Variants in SGMS2 observed in about 807,000 individuals in gnomAD.
The protein encoded by SGMS2 is phosphatidylcholine:ceramide cholinephosphotransferase 2.
Under a neutral mutation model 43.8 loss-of-function variants are expected in SGMS2, and 21 were observed. The observed-to-expected ratio is 0.48, with a 90% CI of 0.34 to 0.69. The LOEUF is 0.69. Ranked by LOEUF, SGMS2 falls within the 30% of genes least tolerant of loss-of-function variation. The pLI, the probability that SGMS2 is intolerant of heterozygous loss-of-function variation, is 0.01. For synonymous variants in SGMS2, 167 were observed against 160.6 expected (o/e 1.04, Z -0.30); for missense variants, 384 against 443.2 (o/e 0.87, Z 1.20).
At chr4:107,842,668 G>A (rs867365111) in intron 1 of SGMS2, among the ~76,000 whole-genome samples, 3 of 152,286 alleles carry the variant, frequency 2.0e-5, no homozygotes, top group Admixed American at 6.5e-5. Flanking sequence ...TAATTCCCAT[G>A]AGTGCCTCAA....
rs201447178 is a variant in SGMS2, at chr4:107,910,480, G to A, written c.1025G>A (p.Gly342Asp). Residue 342 changes from glycine to aspartate, a missense_variant, in exon 7 of 7, where the codon GGC becomes GAC. By Grantham distance (94) the Gly-to-Asp change is moderately conservative. Coordinates refer to ENST00000690982, the MANE Select transcript of SGMS2 (RefSeq NM_001375905.1). ...TCCTGGCCGCTGTCTTGGCCTCCTG[G>A]CTGCTTCAAATCATCATGCAAAAAG... The part of the protein sequence containing the change: ...CFSWPLSWPP[G>D]CFKSSCKKYS... 7.4e-6 allele frequency: 12 copies of A among 1,613,992 alleles called. No homozygotes were observed. The highest frequency in any genetic ancestry group is 1.0e-5 in the Non-Finnish European group (12 of 1,179,980).
intron 2 of SGMS2, among the ~76,000 whole-genome samples, chr4:107,883,208 A>G (rs1287176139): frequency 6.6e-6 from 1 of 152,216 alleles, no homozygotes; most frequent in Non-Finnish European, 1.5e-5. Flanking sequence ...TGTAGCCATA[A>G]GTATCGATCA....
chr4:107,910,493 A>G lies in SGMS2; in HGVS notation c.1038A>G (p.Ser346=), dbSNP rs769761528. ...CTTGGCCTCCTGGCTGCTTCAAATC[A>G]TCATGCAAAAAGTATTCACGGGTTC... ...PLSWPPGCFK[S]SCKKYSRVQK... is the part of the protein sequence containing the mutation. The change falls in exon 7 of 7, where the codon TCA becomes TCG. Residue 346 remains serine, a synonymous_variant. Coordinates refer to ENST00000690982, the MANE Select transcript of SGMS2 (RefSeq NM_001375905.1). 2.5e-6 allele frequency: 4 copies of G among 1,614,052 alleles called. No homozygotes were observed. The highest frequency in any genetic ancestry group is 1.3e-5 in the African/African-American group (1 of 75,028).
intron 2 of SGMS2, among the ~76,000 whole-genome samples, chr4:107,884,564 T>C (rs1729598699): frequency 6.6e-6 from 1 of 152,100 alleles, no homozygotes; most frequent in African/African-American, 2.4e-5. Context: ...AAGGGAAAAG[T>C]CAAACTGGGA....
chr4:107,834,910 A>C (rs1225792210), intron 1 of SGMS2, among the ~76,000 whole-genome samples: 1 of 152,056 alleles, frequency 6.6e-6, no homozygotes, highest in Non-Finnish European at 1.5e-5. Context: ...TGGCACACAC[A>C]TGTAGTCCCA....
At chr4:107,886,866 A>G (rs1260560933) in intron 2 of SGMS2, 1 of 152,194 alleles carries the variant, frequency 6.6e-6, no homozygotes, top group Non-Finnish European at 1.5e-5. Context: ...CACTTACGCA[A>G]ATAACTGTAT....
intron 2 of SGMS2, among the ~76,000 whole-genome samples, chr4:107,870,076 T>C (rs1187502930): frequency 6.6e-6 from 1 of 152,260 alleles, no homozygotes; most frequent in African/African-American, 2.4e-5. Flanking sequence ...ATTTTCTCAA[T>C]ACTTTTACGT....
chr4:107,872,671 T>TA (rs11289834), intron 2 of SGMS2, among the ~76,000 whole-genome samples: 3 of 151,538 alleles, frequency 2.0e-5, no homozygotes, highest in Non-Finnish European at 2.9e-5. Context: ...CCCCTTCTCT[T>TA]AAAAAAAACA....
intron 1 of SGMS2, among the ~76,000 whole-genome samples, chr4:107,842,621 C>T (rs1465973818): frequency 1.3e-5 from 2 of 152,122 alleles, no homozygotes; most frequent in African/African-American, 4.8e-5. Context: ...GTCATGGAAA[C>T]TAGAGTAAGG....
At chr4:107,878,711 C>A (rs1729113098) in intron 2 of SGMS2, among the ~76,000 whole-genome samples, 1 of 152,136 alleles carries the variant, frequency 6.6e-6, no homozygotes, top group Non-Finnish European at 1.5e-5. Context: ...TAAGATTCTC[C>A]TTCTGGAGAG....
chr4:107,899,362 T>A (rs995472909), intron 3 of SGMS2, among the ~76,000 whole-genome samples: 1 of 152,198 alleles, frequency 6.6e-6, no homozygotes, highest in African/African-American at 2.4e-5. Context: ...TATGTGAATC[T>A]TCATTTCTGA....
chr4:107,889,496 T>C (rs1730029046), intron 2 of SGMS2, among the ~76,000 whole-genome samples: 1 of 152,218 alleles, frequency 6.6e-6, no homozygotes, highest in South Asian at 2.1e-4. Flanking sequence ...GATTAGTCTC[T>C]TATTTTTTCC....
chr4:107,826,106 T>C (rs1473965768), intron 1 of SGMS2, among the ~76,000 whole-genome samples: 1 of 152,190 alleles, frequency 6.6e-6, no homozygotes, highest in Non-Finnish European at 1.5e-5. Context: ...ACCAGTAAAA[T>C]GGGATTATAG....
At chr4:107,828,419 T>A (rs750772142) in intron 1 of SGMS2, among the ~76,000 whole-genome samples, 1 of 152,186 alleles carries the variant, frequency 6.6e-6, no homozygotes, top group Non-Finnish European at 1.5e-5. Flanking sequence ...CAGCTGAAAT[T>A]TATCTCTACA....
At chr4:107,847,596 G>T (rs1224324556) in intron 1 of SGMS2, among the ~76,000 whole-genome samples, 6 of 152,098 alleles carry the variant, frequency 3.9e-5, no homozygotes, top group Admixed American at 2.0e-4. Context: ...TGGCGATGCG[G>T]GCTGTTTTTT....
chr4:107,863,237 C>T (rs771719429), intron 2 of SGMS2, among the ~76,000 whole-genome samples: 6 of 152,158 alleles, frequency 3.9e-5, no homozygotes, highest in African/African-American at 7.2e-5. Flanking sequence ...GACTCAGATG[C>T]GTTCAAATTC....
At chr4:107,902,289 C>CAAAAAAAAAAAAAAAAAA (rs34388036) in intron 4 of SGMS2, among the ~76,000 whole-genome samples, 3 of 124,566 alleles carry the variant, frequency 2.4e-5, no homozygotes, top group African/African-American at 3.5e-5. Flanking sequence ...GACCCTGTCT[C>CAAAAAAAAAAAAAAAAAA]AAAAAAAAAA....
intron 2 of SGMS2, among the ~76,000 whole-genome samples, chr4:107,877,197 A>C (rs1430213315): frequency 6.6e-6 from 1 of 152,118 alleles, no homozygotes; most frequent in Non-Finnish European, 1.5e-5. Context: ...AGTCCTAGCT[A>C]CTCAGGATGC....
In SGMS2 at chr4:107,884,849, C is replaced by A. The variant is rs189977233; in HGVS notation, c.-244-10461C>A. On this transcript the variant is annotated intron_variant, in intron 2 of 6. Transcript: ENST00000690982. ...TGCTATGACCACCTTGAGCACATGT[C>A]ATCAAGACCTCCTGAGGCTGTGTCA... Among the ~76,000 whole-genome samples the A allele has an allele frequency of 1.3e-3, 196 of 152,280 alleles. 1 individual carries two copies. Among genetic ancestry groups the A allele is most frequent in the Admixed American group, 6.3e-3 (97 of 15,288 alleles).
Sources: allele counts gnomAD v4.1 joint callset (sites outside exome capture counted in the v4.1 genomes callset), GRCh38; gene constraint gnomAD v4.1.1; transcripts MANE v1.5; gene names NCBI Gene and HGNC (gene_info 2026-07-23, HGNC 2026-07-21).